Variants in FKBP9 observed in about 807,000 individuals in gnomAD.
FKBP9 encodes peptidyl-prolyl cis-trans isomerase FKBP9.
In FKBP9, 27 loss-of-function variants were observed where a neutral mutation model predicts 55.6. That is an observed-to-expected ratio of 0.49 (90% CI 0.36 to 0.67). FKBP9 has a LOEUF of 0.67. Ranked by LOEUF, FKBP9 falls within the 30% of genes least tolerant of loss-of-function variation. The pLI, the probability that FKBP9 is intolerant of heterozygous loss-of-function variation, is 0.00. For missense variants in FKBP9, 539 were observed against 742.8 expected, an observed-to-expected ratio of 0.73 and a Z score of 3.19; for synonymous variants, 267 against 296.5, an observed-to-expected ratio of 0.90 and a Z score of 1.02.
intron 7 of FKBP9, among the ~76,000 whole-genome samples, chr7:32,999,857 C>T (rs1412995715): frequency 6.6e-6 from 1 of 152,116 alleles, no homozygotes; most frequent in Non-Finnish European, 1.5e-5. Context: ...AAAAGGACCC[C>T]ATTCCACTAT....
intron 5 of FKBP9, among the ~76,000 whole-genome samples, chr7:32,984,293 A>G (rs1289161615): frequency 6.6e-6 from 1 of 151,438 alleles, no homozygotes; most frequent in African/African-American, 2.4e-5. Flanking sequence ...GAGTGCAGTG[A>G]TGTGATTGCA....
rs754289344 is a variant in FKBP9 at position 32,995,607 on chromosome 7, CA to C, written c.1040-553del. Among the ~76,000 whole-genome samples, 32 of 152,238 alleles carry C rather than the reference CA, an allele frequency of 2.1e-4. No individual in the cohort carries two copies. The East Asian group carries it at 6.2e-3, about 29-fold the overall frequency. On this transcript the variant is annotated intron_variant, in intron 6 of 9. Transcript: ENST00000242209. ...AGTTAATAAATAATTTAGTATAGAA[CA>C]AATAGGATGTATTCTAAAAGCACCT...
intron 8 of FKBP9, 68 bp from the exon 9 acceptor site, chr7:33,002,608 G>A: frequency 6.3e-7 from 1 of 1,582,482 alleles, no homozygotes. Context: ...GTTGGGGTGG[G>A]TGCTGGTTGT....
At chr7:32,958,518 G>C (rs1311122059) in intron 1 of FKBP9, among the ~76,000 whole-genome samples, 3 of 152,242 alleles carry the variant, frequency 2.0e-5, no homozygotes, top group African/African-American at 7.2e-5. Flanking sequence ...TCTTGGGGCT[G>C]GGCGTGGTGG....
chr7:32,965,921 G>A (rs115028654), intron 1 of FKBP9, among the ~76,000 whole-genome samples: 2,547 of 143,674 alleles, frequency 0.018, 89 homozygotes, highest in African/African-American at 0.062. Context: ...GGCTGGGCGC[G>A]GTGGCTCATG....
At chr7:33,004,836 C>T (rs1203347786) in intron 9 of FKBP9, among the ~76,000 whole-genome samples, 6 of 152,000 alleles carry the variant, frequency 3.9e-5, no homozygotes, top group Non-Finnish European at 5.9e-5. Flanking sequence ...TGAATGCCTG[C>T]ATCCAAGAAT....
Position 32,998,912 on chromosome 7 carries a change from A to G in FKBP9, c.1227-1203A>G, listed in dbSNP as rs142467706. ...TGAGTGGTGTGTTCAGAGATGACAC[A>G]TGACAACAAATTGTTTGCTTGGAGA... On this transcript the variant is annotated intron_variant, in intron 7 of 9. Transcript: ENST00000242209. Among the ~76,000 whole-genome samples the G allele has an allele frequency of 0.012, 1,832 of 152,348 alleles. 86 individuals carry two copies. In the East Asian group the frequency reaches 0.15, roughly 13 times the overall value.
intron 5 of FKBP9, among the ~76,000 whole-genome samples, chr7:32,985,578 T>C (rs1784560697): frequency 6.6e-6 from 1 of 152,260 alleles, no homozygotes; most frequent in Non-Finnish European, 1.5e-5. Context: ...TAGCTTGCTG[T>C]ATACTGCACC....
rs775311376 is a variant in FKBP9 at position 33,005,339 on chromosome 7, C to T, written c.1701C>T (p.His567=). Residue 567 remains histidine (H), a synonymous_variant, in exon 10 of 10, where the codon CAC becomes CAT. Transcript: ENST00000242209. ...AACTCAAAGACCAGGAAGCCAAACA[C>T]GATGAACTCTAAACCTGGCATGAAC... The part of the protein sequence containing the change: ...EFKLKDQEAK[H]DEL 40 of 1,582,392 alleles carry T rather than the reference C, an allele frequency of 2.5e-5. No homozygotes were observed. The highest frequency in any genetic ancestry group is 3.2e-5 in the Non-Finnish European group (37 of 1,160,124).
intron 5 of FKBP9, among the ~76,000 whole-genome samples, chr7:32,986,580 G>A (rs1288177901): frequency 6.6e-6 from 1 of 152,242 alleles, no homozygotes; most frequent in African/African-American, 2.4e-5. Context: ...GCTGTTCTCA[G>A]TGGGTGGGAA....
chr7:32,964,009 A>G (rs1273130518), intron 1 of FKBP9, among the ~76,000 whole-genome samples: 1 of 152,244 alleles, frequency 6.6e-6, no homozygotes, highest in Non-Finnish European at 1.5e-5. Context: ...GGATGCAGTC[A>G]GGGGGGCCTG....
At position 32,957,752 on chromosome 7, in the gene FKBP9, A is replaced by T. The variant is rs748391190; in HGVS notation, c.179A>T (p.His60Leu). The stretch of plus-strand genomic sequence containing the variant: ...CGCAGCGGCGACTTCGTGCGCTACC[A>T]CTACGTGGGGACGTTCCCCGACGGC... The part of the protein sequence containing the change: ...TVRSGDFVRY[H>L]YVGTFPDGQK... The change falls in exon 1 of 10, where the codon CAC (histidine) becomes CTC (leucine). Residue 60 changes from histidine to leucine, a missense_variant. By Grantham distance (99) the His-to-Leu change is moderately conservative. Transcript: ENST00000242209. 2 of 1,508,018 alleles carry T rather than the reference A, an allele frequency of 1.3e-6. No homozygotes were observed. Among genetic ancestry groups the T allele is most frequent in the South Asian group, 2.5e-5 (2 of 79,390 alleles). 93.4% of individuals were successfully genotyped at this position (1,508,018 alleles called of 1,614,324 possible).
At chr7:32,974,359 A>G (rs559128167) in intron 1 of FKBP9, among the ~76,000 whole-genome samples, 1 of 86,716 alleles carries the variant, frequency 1.2e-5, no homozygotes, top group African/African-American at 4.2e-5. Flanking sequence ...TCAGTTTAAC[A>G]CATTTTTTTT....
At chr7:32,998,483 A>G (rs772191297) in intron 7 of FKBP9, 4 of 152,308 alleles carry the variant, frequency 2.6e-5, no homozygotes, top group Non-Finnish European at 4.4e-5. Flanking sequence ...CTCAGGAGCC[A>G]CATGAGCCAG....
At chr7:32,978,015 G>A (rs1342872424) in intron 4 of FKBP9, among the ~76,000 whole-genome samples, 1 of 149,678 alleles carries the variant, frequency 6.7e-6, no homozygotes, top group African/African-American at 2.5e-5. Context: ...TCTATCTCCT[G>A]GATTCAAGAG....
chr7:32,977,296 A>G (rs1399582368), intron 4 of FKBP9, among the ~76,000 whole-genome samples: 2 of 152,212 alleles, frequency 1.3e-5, no homozygotes, highest in African/African-American at 4.8e-5. Context: ...GTGTTGATTC[A>G]TAATGGGGAT....
intron 7 of FKBP9, among the ~76,000 whole-genome samples, chr7:32,996,604 TC>T (rs1784792504): frequency 7.0e-6 from 1 of 142,562 alleles, no homozygotes; most frequent in Non-Finnish European, 1.5e-5. Flanking sequence ...ATAACTGCTA[TC>T]TTTCCTTCCT....
In FKBP9 at chr7:32,980,563, T is replaced by A; in HGVS notation, c.893+10T>A. ...CCCTCTTTGATTCCAGGTAAGGAAA[T>A]GATTAAAGTCTTCAATTGCCAGAAC... On this transcript the variant is annotated intron_variant, in intron 5 of 9. Coordinates refer to ENST00000242209, the MANE Select transcript of FKBP9 (RefSeq NM_007270.5). 2.5e-6 allele frequency: 4 copies of A among 1,612,220 alleles called. No individual in the cohort carries two copies. The highest frequency in any genetic ancestry group is 3.4e-6 in the Non-Finnish European group (4 of 1,178,896).
At chr7:33,003,598 G>A (rs2127989701) in intron 9 of FKBP9, among the ~76,000 whole-genome samples, 1 of 152,234 alleles carries the variant, frequency 6.6e-6, no homozygotes, top group South Asian at 2.1e-4. Context: ...ACCTTGCCAG[G>A]GTGGCCAATG....
Sources: allele counts gnomAD v4.1 joint callset (sites outside exome capture counted in the v4.1 genomes callset), GRCh38; gene constraint gnomAD v4.1.1; transcripts MANE v1.5; gene names NCBI Gene and HGNC (gene_info 2026-07-23, HGNC 2026-07-21).